Variants in IQCH observed in about 807,000 individuals in gnomAD.
IQCH encodes the protein IQ motif containing H.
In IQCH, 98 loss-of-function variants were observed where a neutral mutation model predicts 117.0. The observed-to-expected ratio is 0.84, with a 90% CI of 0.71 to 0.99. The LOEUF (loss-of-function observed/expected upper bound fraction) is 0.99, where lower values mean the gene tolerates loss of function less well. Ranked by LOEUF, IQCH falls within the 50% of genes least tolerant of loss-of-function variation. The pLI, the probability that IQCH is intolerant of heterozygous loss-of-function variation, is 0.00. For missense variants in IQCH, 1,102 were observed against 1,243.8 expected (o/e 0.89, Z 1.72); for synonymous variants, 412 against 448.2 (o/e 0.92, Z 1.02).
intron 13 of IQCH, among the ~76,000 whole-genome samples, chr15:67,397,130 T>C (rs1233105671): frequency 6.6e-6 from 1 of 152,224 alleles, no homozygotes; most frequent in African/African-American, 2.4e-5. Context: ...AAATAAAATT[T>C]TAAATTATAT....
In IQCH at chr15:67,395,388, G is replaced by A; in HGVS notation, c.1730G>A (p.Ser577Asn). ...CGAGGAACAGAGGCCTACATCGTCAGCGGGCTCCTCCACAGAGATGATTTA... is the reference window on the plus strand; with the variant it reads ...CGAGGAACAGAGGCCTACATCGTCAACGGGCTCCTCCACAGAGATGATTTA... ...LIRGTEAYIVSGLLHRDDLAV... is the reference protein window; with the variant it reads ...LIRGTEAYIVNGLLHRDDLAV... The change falls in exon 13 of 21, where the codon AGC (serine) becomes AAC (asparagine). Residue 577 changes from serine to asparagine, a missense_variant. Around this residue, in one of 2 missense-constraint regions of IQCH, gnomAD observed 650 missense variants for 794.3 expected, o/e 0.82. Transcript: ENST00000335894. The surrounding 1 kb of genome is among the most constrained non-coding windows in gnomAD (Gnocchi z 4.0). 1 of 1,614,082 alleles carries A rather than the reference G, an allele frequency of 6.2e-7. No homozygotes were observed. Among genetic ancestry groups the A allele is most frequent in the Non-Finnish European group, 8.5e-7 (1 of 1,179,994 alleles).
rs1280206471 is a variant in IQCH, at chr15:67,365,639, A to G, written c.753+5754A>G. On this transcript the variant is annotated intron_variant, in intron 8 of 20. Coordinates refer to ENST00000335894, the MANE Select transcript of IQCH (RefSeq NM_001031715.3). This position sits in a 1 kb window ranked among gnomAD's most constrained non-coding sequence, Gnocchi z 4.4. The stretch of plus-strand genomic sequence containing the variant: ...GAAAAATAAACCAGAATACATATGT[A>G]GGTATAGAAGCCACGCACGGTGGCT... Among the ~76,000 whole-genome samples the G allele has an allele frequency of 6.6e-6, 1 of 152,222 alleles. No individual in the cohort carries two copies. The highest frequency in any genetic ancestry group is 2.4e-5 in the African/African-American group (1 of 41,450).
rs1212617157 is a variant in IQCH at position 67,406,122 on chromosome 15, T to G, written c.2097+5817T>G. The G allele has an allele frequency of 6.6e-6, 1 of 152,284 alleles. No individual in the cohort carries two copies. The highest frequency in any genetic ancestry group is 6.5e-5 in the Admixed American group (1 of 15,290). The allele number at this position is 152,284 out of a possible 1,614,324, so 9.4% of individuals were successfully genotyped here. A position where few individuals can be genotyped will look rare whatever the true frequency, so the allele number is the denominator to read the frequency against. On this transcript the variant is annotated intron_variant, in intron 14 of 20. Transcript: ENST00000335894. The surrounding 1 kb of genome is among the most constrained non-coding windows in gnomAD (Gnocchi z 4.5). ...GACAGATTTTCAATGCCTTTCTCAA[T>G]TTAATACACTATCGTGATCATTTTA...
rs886093869 is a variant in IQCH, at chr15:67,466,232, G to A, written c.2676+935G>A. 8.5e-5 allele frequency among the ~76,000 whole-genome samples: 13 copies of A among 152,166 alleles called. No homozygotes were observed. Among genetic ancestry groups the A allele is most frequent in the African/African-American group, 3.1e-4 (13 of 41,444 alleles). ...GCATAGCCCCATGGGGACAGTGGGT[G>A]CTTGATTGAGTAGGCTAGGTTGGTC... is the stretch of plus-strand genomic sequence containing the variant. On this transcript the variant is annotated intron_variant, in intron 17 of 20. Transcript: ENST00000335894. The surrounding 1 kb of genome is among the most constrained non-coding windows in gnomAD (Gnocchi z 4.4).
At chr15:67,305,841 G>A (rs1195666822) in intron 4 of IQCH, among the ~76,000 whole-genome samples, 1 of 152,072 alleles carries the variant, frequency 6.6e-6, no homozygotes, top group Non-Finnish European at 1.5e-5. Flanking sequence ...AAAACTTGGG[G>A]CAGATTCTTA....
chr15:67,416,095 G>T lies in IQCH; in HGVS notation c.2098-836G>T, dbSNP rs2081568918. On this transcript the variant is annotated intron_variant, in intron 14 of 20. Transcript: ENST00000335894. The surrounding 1 kb of genome is among the most constrained non-coding windows in gnomAD (Gnocchi z 5.1). ...TTTTTTTAAAAATTAAAAAATATAT[G>T]GAGGTGTCCAGGTGCGGTGGCTCAC... Among the ~76,000 whole-genome samples the T allele has an allele frequency of 6.6e-6, 1 of 152,056 alleles. No individual in the cohort carries two copies. The highest frequency in any genetic ancestry group is 2.1e-4 in the South Asian group (1 of 4,824).
intron 3 of IQCH, among the ~76,000 whole-genome samples, chr15:67,269,288 G>A (rs1300174116): frequency 6.6e-6 from 1 of 152,112 alleles, no homozygotes; most frequent in Non-Finnish European, 1.5e-5. Flanking sequence ...ACAGCAAAAT[G>A]GGCATACTTT....
rs546100629 is a variant in IQCH, at chr15:67,368,143, A to G, written c.754-3968A>G. ...ACTTGCCCAAGAGTATGTAGCAGAT[A>G]TTGGCAAAGCTTGGATTTGAACCCA... On this transcript the variant is annotated intron_variant, in intron 8 of 20. Transcript: ENST00000335894. Among the ~76,000 whole-genome samples the G allele has an allele frequency of 6.2e-4, 94 of 152,296 alleles. 1 individual carries two copies. The highest frequency in any genetic ancestry group is 2.1e-3 in the African/African-American group (89 of 41,562).
chr15:67,375,538 C>T (rs1047060730), intron 10 of IQCH, among the ~76,000 whole-genome samples: 4 of 152,128 alleles, frequency 2.6e-5, no homozygotes, highest in African/African-American at 9.7e-5. Flanking sequence ...CTGGATTACA[C>T]ATATTCAGTT....
At chr15:67,316,766 A>T (rs898853715) in intron 4 of IQCH, among the ~76,000 whole-genome samples, 7 of 152,174 alleles carry the variant, frequency 4.6e-5, no homozygotes, top group African/African-American at 1.7e-4. Context: ...ATACAAGCTA[A>T]AAGTCAAAGG....
Position 67,490,563 on chromosome 15 carries a change from A to C in IQCH, c.2861+499A>C, listed in dbSNP as rs1375178025. Among the ~76,000 whole-genome samples the C allele has an allele frequency of 6.6e-6, 1 of 152,146 alleles. No individual in the cohort carries two copies. The highest frequency in any genetic ancestry group is 2.1e-4 in the South Asian group (1 of 4,834). On this transcript the variant is annotated intron_variant, in intron 19 of 20. Transcript: ENST00000335894. This position sits in a 1 kb window ranked among gnomAD's most constrained non-coding sequence, Gnocchi z 4.9. The stretch of plus-strand genomic sequence containing the variant: ...TGGGGGTTTATAAATATAATTGATT[A>C]ATTACCTAAAATTAATGGGTAAGAT...
Position 67,495,000 on chromosome 15 carries a change from G to C in IQCH, c.2970+634G>C, listed in dbSNP as rs980499656. 6.6e-6 allele frequency among the ~76,000 whole-genome samples: 1 copy of C among 152,164 alleles called. No individual in the cohort carries two copies. The highest frequency in any genetic ancestry group is 2.4e-5 in the African/African-American group (1 of 41,434). On this transcript the variant is annotated intron_variant, in intron 20 of 20. Coordinates refer to ENST00000335894, the MANE Select transcript of IQCH (RefSeq NM_001031715.3). This position sits in a 1 kb window ranked among gnomAD's most constrained non-coding sequence, Gnocchi z 5.5. ...TAAACTACAGGAACAAGGTCTGTACGGGAGTTTCTGAAATACTGTCTGAAC... is the reference window on the plus strand; with the variant it reads ...TAAACTACAGGAACAAGGTCTGTACCGGAGTTTCTGAAATACTGTCTGAAC...
intron 4 of IQCH, among the ~76,000 whole-genome samples, chr15:67,327,294 A>G (rs1254884131): frequency 6.6e-6 from 1 of 152,196 alleles, no homozygotes; most frequent in Non-Finnish European, 1.5e-5. Flanking sequence ...GTTACCCATT[A>G]TGCAAAATTA....
At chr15:67,489,604 C>G (rs1291806265) in intron 18 of IQCH, among the ~76,000 whole-genome samples, 1 of 151,952 alleles carries the variant, frequency 6.6e-6, no homozygotes, top group Non-Finnish European at 1.5e-5. Context: ...GCGTGAGTCA[C>G]CGTGCCCAGC....
intron 4 of IQCH, among the ~76,000 whole-genome samples, chr15:67,336,072 T>C (rs906057632): frequency 6.6e-6 from 1 of 152,140 alleles, no homozygotes; most frequent in Non-Finnish European, 1.5e-5. Flanking sequence ...ATTTCAGAAT[T>C]GAATAATCTG....
intron 18 of IQCH, among the ~76,000 whole-genome samples, chr15:67,483,667 C>T (rs1253253917): frequency 6.6e-6 from 1 of 152,074 alleles, no homozygotes; most frequent in Non-Finnish European, 1.5e-5. Context: ...CCTCGTGATC[C>T]GCCCGCCTCG....
In IQCH at chr15:67,449,639, A is replaced by C. The variant is rs180848088; in HGVS notation, c.2506-15488A>C. On this transcript the variant is annotated intron_variant, in intron 16 of 20. Coordinates refer to ENST00000335894, the MANE Select transcript of IQCH (RefSeq NM_001031715.3). ...TTTGGTTACTGTAGCCTTGTAGTAT[A>C]GTTTGAAGTCAGGTAGCGTGATGCC... is the stretch of plus-strand genomic sequence containing the variant. Among the ~76,000 whole-genome samples the C allele has an allele frequency of 2.1e-4, 32 of 152,306 alleles. 1 individual carries two copies. In the East Asian group the frequency reaches 6.0e-3, roughly 28 times the overall value.
At chr15:67,452,476 A>G (rs991637040) in intron 16 of IQCH, among the ~76,000 whole-genome samples, 3 of 152,068 alleles carry the variant, frequency 2.0e-5, no homozygotes, top group African/African-American at 7.2e-5. Flanking sequence ...TTTCTCTTTC[A>G]CTTATGAAGC....
chr15:67,319,509 T>G (rs1190165418), intron 4 of IQCH, among the ~76,000 whole-genome samples: 1 of 152,218 alleles, frequency 6.6e-6, no homozygotes, highest in Non-Finnish European at 1.5e-5. Flanking sequence ...CCTTCCTTCC[T>G]CATTTATGAA....
Sources: allele counts gnomAD v4.1 joint callset (sites outside exome capture counted in the v4.1 genomes callset), GRCh38; gene constraint gnomAD v4.1.1; regional missense constraint gnomAD v4.1.1; non-coding constraint Gnocchi (gnomAD v3.1); transcripts MANE v1.5; gene names NCBI Gene and HGNC (gene_info 2026-07-23, HGNC 2026-07-21).